SMOC2: variants seen among roughly 807,000 people sequenced by gnomAD.
SMOC2 encodes the protein SPARC-related modular calcium-binding protein 2.
A neutral mutation model predicts 61.4 loss-of-function variants in SMOC2; 39 were observed. The ratio of observed to expected loss-of-function variants is 0.64; its 90% CI spans 0.49 to 0.83. The LOEUF (loss-of-function observed/expected upper bound fraction) is 0.83. SMOC2 is among the 40% of genes least tolerant of loss of function. SMOC2 has a pLI of 0.00. For missense variants in SMOC2, 556 were observed against 592.9 expected (o/e 0.94, Z 0.65); for synonymous variants, 247 against 239.9 (o/e 1.03, Z -0.27).
rs1184047816 is a variant in SMOC2, at chr6:168,558,878, T to TGC, written c.637+9677_637+9678dup. 4.2e-3 allele frequency among the ~76,000 whole-genome samples: 629 copies of TGC among 149,846 alleles called. 9 individuals are homozygous for TGC. Among genetic ancestry groups the TGC allele is most frequent in the African/African-American group, 0.014 (579 of 40,804 alleles). ...GTGTGCGCATGTGTGTGCATGTGTG[T>TGC]GCGTGTGTGCGTGTGCATGTGTGTG... On this transcript the variant is annotated intron_variant, in intron 7 of 12. Transcript: ENST00000356284.
intron 1 of SMOC2, among the ~76,000 whole-genome samples, chr6:168,463,097 C>T (rs1781751871): frequency 6.6e-6 from 1 of 152,238 alleles, no homozygotes; most frequent in Admixed American, 6.5e-5. Context: ...AGCACTTGCT[C>T]AGCGAGCCGT....
At chr6:168,491,196 G>A (rs1782465755) in intron 1 of SMOC2, among the ~76,000 whole-genome samples, 1 of 152,192 alleles carries the variant, frequency 6.6e-6, no homozygotes, top group East Asian at 1.9e-4. Flanking sequence ...GTAATGCCGT[G>A]TTTTTGATCT....
At position 168,664,080 on chromosome 6, in the gene SMOC2, G is replaced by A. The variant is rs765197089; in HGVS notation, c.1292G>A (p.Arg431Lys). Residue 431 changes from arginine (R) to lysine (K), a missense_variant, in exon 12 of 13, where the codon AGA becomes AAA. Arg to Lys is a conservative substitution (Grantham distance 26). Coordinates refer to ENST00000356284, the MANE Select transcript of SMOC2 (RefSeq NM_001166412.2). ...KADTKKRHTPRGHAESTSNRQ... is the reference protein window; with the variant it reads ...KADTKKRHTPKGHAESTSNRQ... ...CTTTTTTTTTTCCTGCTAGCCCCCA[G>A]AGGTCATGCTGAAAGTACGTCTAAT... 6.2e-7 allele frequency: 1 copy of A among 1,604,276 alleles called. No homozygotes were observed. The highest frequency in any genetic ancestry group is 8.5e-7 in the Non-Finnish European group (1 of 1,177,134).
chr6:168,600,059 C>T (rs556492610), intron 8 of SMOC2, among the ~76,000 whole-genome samples: 8 of 152,160 alleles, frequency 5.3e-5, no homozygotes, highest in South Asian at 2.1e-4. Flanking sequence ...CTCCAAGTGG[C>T]GATCACCCAA....
At chr6:168,499,597 C>A (rs1280141570) in intron 1 of SMOC2, among the ~76,000 whole-genome samples, 1 of 152,228 alleles carries the variant, frequency 6.6e-6, no homozygotes, top group East Asian at 1.9e-4. Context: ...AGAATTCCAA[C>A]TGTGTGTTAC....
chr6:168,583,346 C>T (rs1037145122), intron 7 of SMOC2, among the ~76,000 whole-genome samples: 3 of 151,404 alleles, frequency 2.0e-5, no homozygotes, highest in Admixed American at 1.3e-4. Context: ...CCCTGCCTTT[C>T]CTCACCCCTT....
At position 168,655,684 on chromosome 6, in the gene SMOC2, CAT is replaced by C. The variant is rs71663293; in HGVS notation, c.1285+2457_1285+2458del. 2.0e-3 allele frequency among the ~76,000 whole-genome samples: 305 copies of C among 151,368 alleles called. 1 individual carries two copies. The highest frequency in any genetic ancestry group is 0.012 in the East Asian group (63 of 5,064). On this transcript the variant is annotated intron_variant, in intron 11 of 12. Transcript: ENST00000356284. ...ACGTGTGTACTAGATTTCCCTCACACATGTGTGCTAGATCCCTTGCACATGTA... is the reference window on the plus strand; with the variant it reads ...ACGTGTGTACTAGATTTCCCTCACACGTGTGCTAGATCCCTTGCACATGTA...
In SMOC2 at chr6:168,490,816, CT is replaced by C. The variant is rs146012216; in HGVS notation, c.85-19098del. 4.5e-3 allele frequency among the ~76,000 whole-genome samples: 681 copies of C among 152,294 alleles called. 3 individuals are homozygous for C. Among genetic ancestry groups the C allele is most frequent in the African/African-American group, 0.015 (639 of 41,570 alleles). On this transcript the variant is annotated intron_variant, in intron 1 of 12. Coordinates refer to ENST00000356284, the MANE Select transcript of SMOC2 (RefSeq NM_001166412.2). ...TACTGTGGCTGAGTCTGGGCTGAGG[CT>C]GCATTTGGGATTTGGATTCCCGCTC... is the stretch of plus-strand genomic sequence containing the variant.
chr6:168,468,046 A>C (rs1451708301), intron 1 of SMOC2, among the ~76,000 whole-genome samples: 1 of 152,324 alleles, frequency 6.6e-6, no homozygotes, highest in South Asian at 2.1e-4. Context: ...TAGTGGATGC[A>C]TTTCACTGAT....
chr6:168,585,605 A>G (rs1300812291), intron 7 of SMOC2, among the ~76,000 whole-genome samples: 1 of 152,206 alleles, frequency 6.6e-6, no homozygotes, highest in Non-Finnish European at 1.5e-5. Flanking sequence ...TAGCCCCAGC[A>G]TTTCACACTC....
intron 2 of SMOC2, among the ~76,000 whole-genome samples, chr6:168,521,940 C>G (rs1463800647): frequency 6.6e-6 from 1 of 152,080 alleles, no homozygotes; most frequent in Non-Finnish European, 1.5e-5. Flanking sequence ...TTATAAAGTC[C>G]CGGCTCTGCA....
At chr6:168,563,399 ATT>A (rs1037810662) in intron 7 of SMOC2, among the ~76,000 whole-genome samples, 1 of 152,124 alleles carries the variant, frequency 6.6e-6, no homozygotes, top group Non-Finnish European at 1.5e-5. Context: ...GTTTATATAT[ATT>A]TGTGTGCATA....
rs112156720 is a variant in SMOC2, at chr6:168,613,025, C to T, written c.907+4786C>T. Among the ~76,000 whole-genome samples the T allele has an allele frequency of 7.4e-4, 112 of 152,294 alleles. 1 individual carries two copies. The highest frequency in any genetic ancestry group is 2.6e-3 in the African/African-American group (110 of 41,568). On this transcript the variant is annotated intron_variant, in intron 9 of 12. Transcript: ENST00000356284. ...TCTTTCACTCTCGGATACGGTTTTC[C>T]GGCTGACTCTCATTCTCAGGACCAA...
chr6:168,482,551 G>C (rs1782230721), intron 1 of SMOC2, among the ~76,000 whole-genome samples: 2 of 151,944 alleles, frequency 1.3e-5, no homozygotes, highest in African/African-American at 4.8e-5. Flanking sequence ...CTAATTCTTT[G>C]TATGAGGCCA....
At chr6:168,660,553 G>A (rs1019992340) in intron 11 of SMOC2, among the ~76,000 whole-genome samples, 1 of 152,238 alleles carries the variant, frequency 6.6e-6, no homozygotes, top group African/African-American at 2.4e-5. Context: ...CGATGGCTTA[G>A]GACCCAAGCG....
At chr6:168,650,570 G>A (rs1787166054) in intron 9 of SMOC2, 111 bp from the exon 10 acceptor site, 1 of 944,688 alleles carries the variant, frequency 1.1e-6, no homozygotes, top group Non-Finnish European at 1.6e-6. Context: ...TTAAGATTAA[G>A]GTAGGCCAAA....
At chr6:168,480,420 A>G (rs921047910) in intron 1 of SMOC2, among the ~76,000 whole-genome samples, 3 of 152,166 alleles carry the variant, frequency 2.0e-5, no homozygotes, top group African/African-American at 4.8e-5. Flanking sequence ...ATAAAGATAT[A>G]GGAAACCTAA....
chr6:168,584,060 A>C (rs1784985627), intron 7 of SMOC2, among the ~76,000 whole-genome samples: 1 of 152,260 alleles, frequency 6.6e-6, no homozygotes, highest in African/African-American at 2.4e-5. Flanking sequence ...GCACAGCAGC[A>C]GGCCAGCAAA....
chr6:168,633,996 T>C (rs1215908702), intron 9 of SMOC2, among the ~76,000 whole-genome samples: 1 of 152,248 alleles, frequency 6.6e-6, no homozygotes, highest in African/African-American at 2.4e-5. Context: ...TTTGAACTTC[T>C]TCTTCCTGAT....
Sources: allele counts gnomAD v4.1 joint callset (sites outside exome capture counted in the v4.1 genomes callset), GRCh38; gene constraint gnomAD v4.1.1; transcripts MANE v1.5; gene names NCBI Gene and HGNC (gene_info 2026-07-23, HGNC 2026-07-21).